ANKS1B: variants seen among roughly 807,000 people sequenced by gnomAD.
ANKS1B encodes ankyrin repeat and sterile alpha motif domain containing 1B, also known as ankyrin repeat and sterile alpha motif domain-containing protein 1B.
A neutral mutation model predicts 148.3 loss-of-function variants in ANKS1B; 36 were observed. The observed-to-expected ratio is 0.24, with a 90% confidence interval of 0.19 to 0.32. The LOEUF is 0.32. Among genes scored for constraint, ANKS1B ranks in the 10% least tolerant of loss-of-function variants. The probability of loss-of-function intolerance (pLI) is 1.00; values close to 1 mark genes in which losing one functional copy is unlikely to be tolerated. For missense variants in ANKS1B, 1,157 were observed against 1,542.6 expected (o/e 0.75, Z 4.19); for synonymous variants, 542 against 560.8 (o/e 0.97, Z 0.47).
At chr12:99,050,528 T>C (rs113367050) in intron 17 of ANKS1B, among the ~76,000 whole-genome samples, 7 of 152,232 alleles carry the variant, frequency 4.6e-5, no homozygotes, top group African/African-American at 1.7e-4. Context: ...TAGACACAGA[T>C]GGCATGCTTC....
chr12:99,705,751 G>A (rs1500662), intron 8 of ANKS1B, among the ~76,000 whole-genome samples: 61,269 of 151,868 alleles, frequency 0.4, 12,782 homozygotes, highest in East Asian at 0.47. Flanking sequence ...GAATTGCAAG[G>A]TTGATACCTA....
intron 17 of ANKS1B, among the ~76,000 whole-genome samples, chr12:98,850,835 A>G (rs565434916): frequency 6.6e-6 from 1 of 152,176 alleles, no homozygotes; most frequent in Admixed American, 6.5e-5. Flanking sequence ...CCAGCCTGCC[A>G]ATGCTCCCAT....
intron 11 of ANKS1B, among the ~76,000 whole-genome samples, chr12:99,436,747 T>C (rs2095467797): frequency 6.6e-6 from 1 of 152,022 alleles, no homozygotes; most frequent in African/African-American, 2.4e-5. Context: ...ATATTCAAAA[T>C]GTTTCTTTCA....
At chr12:99,108,364 G>A (rs193200281) in intron 15 of ANKS1B, among the ~76,000 whole-genome samples, 8 of 152,192 alleles carry the variant, frequency 5.3e-5, no homozygotes, top group African/African-American at 1.2e-4. Flanking sequence ...AATGTCCCCA[G>A]TAGTCAGCAC....
intron 12 of ANKS1B, among the ~76,000 whole-genome samples, chr12:99,337,184 A>C (rs533185820): frequency 1.3e-5 from 2 of 151,890 alleles, no homozygotes; most frequent in African/African-American, 4.8e-5. Flanking sequence ...GGTGTGCTTC[A>C]TTGTTTTTTC....
At chr12:99,179,126 G>A (rs1338084486) in intron 14 of ANKS1B, among the ~76,000 whole-genome samples, 2 of 151,678 alleles carry the variant, frequency 1.3e-5, no homozygotes, top group Non-Finnish European at 3.0e-5. Flanking sequence ...ATGGGCTTAG[G>A]AAGGATATAA....
In ANKS1B at chr12:98,824,086, A is replaced by G. The variant is rs572235318; in HGVS notation, c.3066+5088T>C. Among the ~76,000 whole-genome samples the G allele has an allele frequency of 5.2e-4, 79 of 152,300 alleles. 3 individuals are homozygous for G. In the South Asian group the frequency reaches 0.015, roughly 29 times the overall value. ...CACTTAAAGAAAAAAAAGCCCTCTC[A>G]CTTGATATTTTATCTAACAATGTTA... On this transcript the variant is annotated intron_variant, in intron 19 of 26. Transcript: ENST00000683438.
intron 17 of ANKS1B, among the ~76,000 whole-genome samples, chr12:98,902,981 C>A (rs936450200): frequency 6.6e-6 from 1 of 152,082 alleles, no homozygotes; most frequent in Non-Finnish European, 1.5e-5. Flanking sequence ...ATATTGTAGA[C>A]TCATAAAAAT....
intron 11 of ANKS1B, among the ~76,000 whole-genome samples, chr12:99,426,845 G>A (rs2095264230): frequency 6.6e-6 from 1 of 152,108 alleles, no homozygotes; most frequent in Non-Finnish European, 1.5e-5. Flanking sequence ...TTGCTCCCCA[G>A]TTCCAGCAAC....
chr12:99,845,265 G>A (rs1029340825), intron 1 of ANKS1B, among the ~76,000 whole-genome samples: 1 of 151,824 alleles, frequency 6.6e-6, no homozygotes, highest in African/African-American at 2.4e-5. Context: ...TCCAATACTT[G>A]AATAGGAGTG....
chr12:99,374,720 T>C (rs2093315292), intron 12 of ANKS1B, among the ~76,000 whole-genome samples: 1 of 152,200 alleles, frequency 6.6e-6, no homozygotes. Flanking sequence ...TTCTTATGGT[T>C]ATCTTAAAAG....
chr12:98,868,334 G>T (rs1003270072), intron 17 of ANKS1B, among the ~76,000 whole-genome samples: 42 of 152,176 alleles, frequency 2.8e-4, no homozygotes, highest in Non-Finnish European at 7.4e-5. Context: ...CTTGCCTCAT[G>T]TTGCAGACTA....
chr12:99,458,703 T>C (rs1265567867), intron 10 of ANKS1B, among the ~76,000 whole-genome samples: 1 of 151,800 alleles, frequency 6.6e-6, no homozygotes, highest in Non-Finnish European at 1.5e-5. Flanking sequence ...CCTCCTAGAT[T>C]AAACCAGGAA....
At chr12:99,119,345 C>T (rs138458963) in intron 15 of ANKS1B, among the ~76,000 whole-genome samples, 24 of 152,262 alleles carry the variant, frequency 1.6e-4, no homozygotes, top group African/African-American at 5.8e-4. Context: ...AGGGAATGAG[C>T]CCCTGCTGAC....
intron 25 of ANKS1B, among the ~76,000 whole-genome samples, chr12:98,757,941 T>TGTGTGTGTGTGTGTGCAC (rs1555259147): frequency 1.8e-4 from 27 of 150,936 alleles, no homozygotes; most frequent in Admixed American, 3.9e-4. Flanking sequence ...TGTGCACGTG[T>TGTGTGTGTGTGTGTGCAC]GTGTGTGTGT....
intron 1 of ANKS1B, among the ~76,000 whole-genome samples, chr12:99,880,284 T>C (rs1234713646): frequency 6.6e-6 from 1 of 152,220 alleles, no homozygotes; most frequent in East Asian, 1.9e-4. Flanking sequence ...ACCGTGCCAA[T>C]TTTATAAAAG....
intron 26 of ANKS1B, among the ~76,000 whole-genome samples, chr12:98,747,100 CG>C (rs2097911954): frequency 6.6e-6 from 1 of 152,028 alleles, no homozygotes; most frequent in Non-Finnish European, 1.5e-5. Flanking sequence ...TTCTGCACAG[CG>C]AAGGAAACAA....
Position 98,782,145 on chromosome 12 carries a change from AT to A in ANKS1B, c.3343-9del. ...ACCTACCTGACAGTTAGCCTGGTGG[AT>A]TTTCCAGTTAAGACAGATGGGAACA... On this transcript the variant is annotated splice_polypyrimidine_tract_variant and intron_variant, in intron 22 of 26. Coordinates refer to ENST00000683438, the MANE Select transcript of ANKS1B (RefSeq NM_001352186.2). 1 of 1,598,964 alleles carries A rather than the reference AT, an allele frequency of 6.3e-7. No individual in the cohort carries two copies. The highest frequency in any genetic ancestry group is 1.3e-5 in the African/African-American group (1 of 74,804).
chr12:99,849,738 A>G (rs560201060), intron 1 of ANKS1B, among the ~76,000 whole-genome samples: 48 of 152,196 alleles, frequency 3.2e-4, no homozygotes, highest in Non-Finnish European at 5.4e-4. Flanking sequence ...GAAGTCATAT[A>G]GAAAATAACA....
Sources: gnomAD v4.1 joint callset for allele counts (sites outside exome capture counted in the v4.1 genomes callset) on GRCh38, gnomAD v4.1.1 for gene constraint, MANE v1.5 for transcripts, NCBI Gene and HGNC (gene_info 2026-07-23, HGNC 2026-07-21) for gene names.